The following FMN1 variants were observed in gnomAD, a reference collection of about 807,000 sequenced individuals.
FMN1 encodes formin-1.
A neutral mutation model predicts 132.4 loss-of-function variants in FMN1; 110 were observed. The observed-to-expected ratio is 0.83, with a 90% confidence interval of 0.71 to 0.97. The LOEUF (loss-of-function observed/expected upper bound fraction) is 0.97. Ranked by LOEUF, FMN1 falls within the 50% of genes least tolerant of loss-of-function variation. The probability of loss-of-function intolerance (pLI) is 0.00; values close to 1 mark genes in which losing one functional copy is unlikely to be tolerated. For synonymous variants in FMN1, 722 were observed against 651.7 expected (o/e 1.11, Z -1.64); for missense variants, 1,792 against 1,705.3 (o/e 1.05, Z -0.90).
At chr15:33,049,652 C>T (rs1470862242) in intron 6 of FMN1, among the ~76,000 whole-genome samples, 1 of 152,228 alleles carries the variant, frequency 6.6e-6, no homozygotes, top group Non-Finnish European at 1.5e-5. Flanking sequence ...TTTTTCTATA[C>T]ATCGTGAACT....
intron 9 of FMN1, among the ~76,000 whole-genome samples, chr15:32,932,839 AATGT>A: frequency 6.6e-6 from 1 of 151,966 alleles, no homozygotes; most frequent in South Asian, 2.1e-4. Flanking sequence ...CATCGGTTGT[AATGT>A]CTTCTCTCTC....
chr15:33,034,061 A>C (rs572820647), intron 6 of FMN1, among the ~76,000 whole-genome samples: 1 of 152,120 alleles, frequency 6.6e-6, no homozygotes, highest in Admixed American at 6.5e-5. Context: ...TCCAGTCTCA[A>C]AGTTTTAAAC....
chr15:32,961,016 AAAAGGC>A (rs2030465296), intron 9 of FMN1, among the ~76,000 whole-genome samples: 2 of 151,084 alleles, frequency 1.3e-5, no homozygotes, highest in African/African-American at 4.8e-5. Context: ...AAAAAAAAAA[AAAAGGC>A]AGGGTTGATG....
chr15:33,068,524 A>C (rs1441816064), intron 5 of FMN1, among the ~76,000 whole-genome samples: 1 of 152,248 alleles, frequency 6.6e-6, no homozygotes, highest in African/African-American at 2.4e-5. Context: ...CACCCAGATC[A>C]GCAGCCACTT....
chr15:33,069,081 G>C (rs1348417327), intron 5 of FMN1, among the ~76,000 whole-genome samples: 1 of 152,148 alleles, frequency 6.6e-6, no homozygotes, highest in Non-Finnish European at 1.5e-5. Flanking sequence ...TTCTCCTAAA[G>C]GGCAAAACAT....
chr15:33,165,008 A>G (rs1442686579), intron 3 of FMN1, among the ~76,000 whole-genome samples: 1 of 152,238 alleles, frequency 6.6e-6, no homozygotes, highest in Non-Finnish European at 1.5e-5. Flanking sequence ...ACCCTGTTGT[A>G]CAATCAAATA....
chr15:33,174,393 T>C (rs1296058538), intron 3 of FMN1, among the ~76,000 whole-genome samples: 1 of 152,186 alleles, frequency 6.6e-6, no homozygotes, highest in East Asian at 1.9e-4. Context: ...TTGATTTTAC[T>C]TCTGTGTGAA....
chr15:33,074,866 A>G lies in FMN1; in HGVS notation c.2044-9792T>C, dbSNP rs546130466. ...CTCCGTCTCTACTAAAAATTCAAAA[A>G]AATTAGCCAGGCGTGGTGGTGGTGT... On this transcript the variant is annotated intron_variant, in intron 5 of 20. Coordinates refer to ENST00000616417, the MANE Select transcript of FMN1 (RefSeq NM_001277313.2). 4.7e-3 allele frequency among the ~76,000 whole-genome samples: 720 copies of G among 151,854 alleles called. 3 individuals are homozygous for G. The highest frequency in any genetic ancestry group is 7.8e-3 in the Non-Finnish European group (528 of 67,946).
chr15:33,093,291 A>G (rs537994516), intron 4 of FMN1, among the ~76,000 whole-genome samples: 27 of 152,358 alleles, frequency 1.8e-4, no homozygotes, highest in African/African-American at 6.0e-4. Context: ...CCTAAGAGGT[A>G]AAGTTTTCTC....
chr15:32,964,116 CTTGT>C lies in FMN1; in HGVS notation c.3125_3128del (p.Asn1042ArgfsTer20). On this transcript the variant is annotated frameshift_variant, in exon 9 of 21. Coordinates refer to ENST00000616417, the MANE Select transcript of FMN1 (RefSeq NM_001277313.2). LOFTEE classifies it high-confidence loss of function. ...CATAATCACTCAGTACCTTTTTGAC[CTTGT>C]TTTTCTTCTCATAAGTCTCTGACAG... 6.2e-7 allele frequency: 1 copy of C among 1,607,580 alleles called. No individual in the cohort carries two copies. Among genetic ancestry groups the C allele is most frequent in the Non-Finnish European group, 8.5e-7 (1 of 1,177,016 alleles).
At chr15:33,172,021 G>T (rs577096625) in intron 3 of FMN1, among the ~76,000 whole-genome samples, 5 of 152,026 alleles carry the variant, frequency 3.3e-5, no homozygotes, top group Non-Finnish European at 7.4e-5. Context: ...CATCCTGGCT[G>T]ACACGGTGAA....
intron 7 of FMN1, among the ~76,000 whole-genome samples, chr15:32,978,909 A>G (rs1167211653): frequency 2.6e-5 from 4 of 152,230 alleles, no homozygotes; most frequent in South Asian, 4.2e-4. Flanking sequence ...TGAAAAAATG[A>G]TATTAGGTCA....
At chr15:32,936,220 G>C (rs2140414648) in intron 9 of FMN1, among the ~76,000 whole-genome samples, 1 of 152,044 alleles carries the variant, frequency 6.6e-6, no homozygotes, top group Non-Finnish European at 1.5e-5. Context: ...TGTGTCTTTA[G>C]GATTGGTTTG....
At chr15:33,067,071 G>A in intron 5 of FMN1, 9 of 1,613,968 alleles carry the variant, frequency 5.6e-6, no homozygotes, top group East Asian at 2.2e-5. Context: ...GCTGGAAGTT[G>A]GAATGACTTC....
rs56842353 is a variant in FMN1 at position 32,995,099 on chromosome 15, CAT to C, written c.2223+12913_2223+12914del. On this transcript the variant is annotated intron_variant, in intron 7 of 20. Coordinates refer to ENST00000616417, the MANE Select transcript of FMN1 (RefSeq NM_001277313.2). ...AAATACTCAGCCTATCACACAGAAG[CAT>C]ATATATATATATGTATATATGCAAA... 1.4e-3 allele frequency among the ~76,000 whole-genome samples: 215 copies of C among 150,352 alleles called. 2 individuals carry two copies. The highest frequency in any genetic ancestry group is 4.4e-3 in the African/African-American group (179 of 41,106).
At chr15:32,953,476 CT>C (rs2061696408) in intron 9 of FMN1, among the ~76,000 whole-genome samples, 1 of 152,124 alleles carries the variant, frequency 6.6e-6, no homozygotes. Context: ...AGTTGGTGAG[CT>C]TTGTAAGGTC....
chr15:33,009,244 C>T (rs1212477610), intron 6 of FMN1, among the ~76,000 whole-genome samples: 1 of 152,148 alleles, frequency 6.6e-6, no homozygotes, highest in Non-Finnish European at 1.5e-5. Context: ...AAGTTACCAC[C>T]ATCTCCACTA....
chr15:33,086,178 G>A (rs1232035738), intron 5 of FMN1, among the ~76,000 whole-genome samples: 1 of 151,746 alleles, frequency 6.6e-6, no homozygotes, highest in Non-Finnish European at 1.5e-5. Flanking sequence ...TTAAACCCAG[G>A]AGGCGGAGGT....
chr15:33,042,977 G>A (rs758849314), intron 6 of FMN1, among the ~76,000 whole-genome samples: 5 of 151,996 alleles, frequency 3.3e-5, no homozygotes, highest in African/African-American at 4.8e-5. Context: ...TAATGGAAGC[G>A]AAATCTAAAC....
Sources: allele counts gnomAD v4.1 joint callset (sites outside exome capture counted in the v4.1 genomes callset), GRCh38; gene constraint gnomAD v4.1.1; transcripts MANE v1.5; gene names NCBI Gene and HGNC (gene_info 2026-07-23, HGNC 2026-07-21).